The following DNM1L variants were observed in gnomAD, a reference collection of about 807,000 sequenced individuals.
DNM1L encodes dynamin-1-like protein.
Under a neutral mutation model 92.8 loss-of-function variants are expected in DNM1L, and 33 were observed. The ratio of observed to expected loss-of-function variants is 0.36; its 90% CI spans 0.27 to 0.48. The LOEUF is 0.48. Ranked by LOEUF, DNM1L falls within the 20% of genes least tolerant of loss-of-function variation. The pLI, the probability that DNM1L is intolerant of heterozygous loss-of-function variation, is 0.99. For synonymous variants in DNM1L, 284 were observed against 305.0 expected, an observed-to-expected ratio of 0.93 and a Z score of 0.72; for missense variants, 485 against 888.8, an observed-to-expected ratio of 0.55 and a Z score of 5.78.
chr12:32,701,490 C>T lies in DNM1L; in HGVS notation c.178C>T (p.Arg60Trp), dbSNP rs200245104. ...TCCCAGAGGTACTGGAATTGTCACC[C>T]GGAGACCTCTCATTCTGCAACTGGT... ...LLPRGTGIVT[R>W]RPLILQLVHV... is the part of the protein sequence containing the mutation. Residue 60 changes from arginine to tryptophan, a missense_variant, in exon 2 of 20, where the codon CGG becomes TGG. By Grantham distance (101) the Arg-to-Trp change is moderately radical. This residue lies in a region of DNM1L where 159 missense variants were observed against 275.9 expected (regional missense o/e 0.58). Coordinates refer to ENST00000549701, the MANE Select transcript of DNM1L (RefSeq NM_012062.5). 6.2e-7 allele frequency: 1 copy of T among 1,613,716 alleles called. No individual in the cohort carries two copies. Among genetic ancestry groups the T allele is most frequent in the Non-Finnish European group, 8.5e-7 (1 of 1,179,756 alleles).
chr12:32,714,660 A>G (rs1372168125), intron 6 of DNM1L, among the ~76,000 whole-genome samples: 3 of 152,204 alleles, frequency 2.0e-5, no homozygotes, highest in African/African-American at 7.2e-5. Context: ...AAGATAAACT[A>G]TATCAAAGAG....
At chr12:32,717,987 T>TATAA in intron 6 of DNM1L, among the ~76,000 whole-genome samples, 1 of 84,998 alleles carries the variant, frequency 1.2e-5, no homozygotes, top group South Asian at 2.9e-4. Flanking sequence ...GTATATATAG[T>TATAA]ATGTATAGTA....
intron 12 of DNM1L, 141 bp downstream of exon 12, chr12:32,732,084 T>G: frequency 1.5e-6 from 1 of 672,050 alleles, no homozygotes; most frequent in Non-Finnish European, 2.6e-6. Flanking sequence ...GAAAAACAAG[T>G]TGAGTTTCAG....
At chr12:32,686,371 A>G (rs773615935) in intron 1 of DNM1L, among the ~76,000 whole-genome samples, 17 of 152,142 alleles carry the variant, frequency 1.1e-4, no homozygotes, top group Non-Finnish European at 2.5e-4. Context: ...TATAAAATGT[A>G]TAATTCAGTG....
intron 6 of DNM1L, among the ~76,000 whole-genome samples, chr12:32,715,237 G>A (rs1030532781): frequency 4.6e-5 from 7 of 151,772 alleles, no homozygotes; most frequent in Non-Finnish European, 1.0e-4. Context: ...GGGATTGCAA[G>A]AGTGAGCCAC....
chr12:32,727,633 A>G (rs1954239812), intron 9 of DNM1L: 2 of 325,800 alleles, frequency 6.1e-6, no homozygotes, highest in Non-Finnish European at 1.1e-5. Context: ...TGCCTATACT[A>G]CATGTCTTTA....
Position 32,722,418 on chromosome 12 carries a change from C to CT in DNM1L, c.873-3dup. 1 of 1,610,424 alleles carries CT rather than the reference C, an allele frequency of 6.2e-7. No individual in the cohort carries two copies. Among genetic ancestry groups the CT allele is most frequent in the African/African-American group, 1.3e-5 (1 of 74,922 alleles). ...TACTTTTAAATCCTTCCTTTCTAAC[C>CT]TTTTTTAGGTTACTGATGCATCACA... On this transcript the variant is annotated splice_polypyrimidine_tract_variant and intron_variant, in intron 8 of 19. Coordinates refer to ENST00000549701, the MANE Select transcript of DNM1L (RefSeq NM_012062.5).
chr12:32,735,940 T>C (rs1422429727), intron 13 of DNM1L, among the ~76,000 whole-genome samples: 2 of 152,142 alleles, frequency 1.3e-5, no homozygotes, highest in Non-Finnish European at 2.9e-5. Context: ...AGTTGGACTG[T>C]GTTCATGAAA....
In DNM1L at chr12:32,701,453, G is replaced by C. The variant is rs376158084; in HGVS notation, c.141G>C (p.Gly47=). 1 of 1,613,792 alleles carries C rather than the reference G, an allele frequency of 6.2e-7. No individual in the cohort carries two copies. Among genetic ancestry groups the C allele is most frequent in the South Asian group, 1.1e-5 (1 of 91,080 alleles). Residue 47 remains glycine (G), a synonymous_variant, in exon 2 of 20, where the codon GGG becomes GGC. Coordinates refer to ENST00000549701, the MANE Select transcript of DNM1L (RefSeq NM_012062.5). Reference sequence around the variant, plus strand: ...GCTCAGTGCTAGAAAGCCTGGTGGGGAGGGACCTGCTTCCCAGAGGTACTG... The same window carrying C: ...GCTCAGTGCTAGAAAGCCTGGTGGGCAGGGACCTGCTTCCCAGAGGTACTG... ...GKSSVLESLV[G]RDLLPRGTGI...
chr12:32,682,378 C>T (rs573920874), intron 1 of DNM1L, among the ~76,000 whole-genome samples: 17 of 152,198 alleles, frequency 1.1e-4, no homozygotes, highest in Admixed American at 6.5e-4. Flanking sequence ...GTGATCCACC[C>T]GTCTCGGCCT....
intron 9 of DNM1L, chr12:32,726,307 A>G: frequency 7.9e-7 from 1 of 1,261,914 alleles, no homozygotes; most frequent in South Asian, 1.2e-5. Flanking sequence ...ATACAAAAAC[A>G]TAAGGCAGTA....
chr12:32,728,044 A>G (rs1186422679), intron 9 of DNM1L: 2 of 152,360 alleles, frequency 1.3e-5, no homozygotes, highest in Non-Finnish European at 2.9e-5. Context: ...AAATAATTAT[A>G]GACTCACAGG....
intron 18 of DNM1L, 66 bp from the exon 19 acceptor site, chr12:32,742,523 A>G: frequency 1.9e-6 from 3 of 1,598,362 alleles, no homozygotes; most frequent in Non-Finnish European, 2.6e-6. Context: ...TGAGGTTAGC[A>G]TCTAAGCCCA....
rs181857430 is a variant in DNM1L at position 32,700,726 on chromosome 12, A to G, written c.103-689A>G. Among the ~76,000 whole-genome samples, 10 of 152,246 alleles carry G rather than the reference A, an allele frequency of 6.6e-5. No homozygotes were observed. The East Asian group carries it at 9.7e-4, about 15-fold the overall frequency. ...ACACCACTGCACTCTAGCCTGGGTA[A>G]TAGAGTGACACACTGTAATAATAAT... On this transcript the variant is annotated intron_variant, in intron 1 of 19. Coordinates refer to ENST00000549701, the MANE Select transcript of DNM1L (RefSeq NM_012062.5).
intron 7 of DNM1L, among the ~76,000 whole-genome samples, chr12:32,719,147 T>G (rs1019396999): frequency 6.6e-6 from 1 of 152,110 alleles, no homozygotes; most frequent in Non-Finnish European, 1.5e-5. Context: ...GACAAGGTCT[T>G]GCCATGTTGC....
rs542345345 is a variant in DNM1L at position 32,722,228 on chromosome 12, T to G, written c.873-199T>G. ...GCATGCAGAGACACTCTAAACACCC[T>G]TAATGCTCTTGGAGAGTCCAAGGAT... On this transcript the variant is annotated intron_variant, in intron 8 of 19. Coordinates refer to ENST00000549701, the MANE Select transcript of DNM1L (RefSeq NM_012062.5). 2.6e-5 allele frequency among the ~76,000 whole-genome samples: 4 copies of G among 152,302 alleles called. No individual in the cohort carries two copies. In the South Asian group the frequency reaches 8.3e-4, roughly 32 times the overall value.
chr12:32,702,048 A>G (rs1952724276), intron 2 of DNM1L, among the ~76,000 whole-genome samples: 2 of 151,066 alleles, frequency 1.3e-5, no homozygotes, highest in Non-Finnish European at 1.5e-5. Context: ...AGCCTGGCCA[A>G]TATGGTGAAA....
chr12:32,742,689 C>T lies in DNM1L; in HGVS notation c.2095C>T (p.Leu699Phe). ...QLYKSSLLDDLLTESEDMAQR... is the reference protein window; with the variant it reads ...QLYKSSLLDDFLTESEDMAQR... ...GTATAAATCATCCTTATTGGATGATCTTCTGACAGAATCTGAGGACATGGC... is the reference window on the plus strand; with the variant it reads ...GTATAAATCATCCTTATTGGATGATTTTCTGACAGAATCTGAGGACATGGC... The change falls in exon 19 of 20, where the codon CTT becomes TTT. Residue 699 changes from leucine (L) to phenylalanine (F), a missense_variant. Coordinates refer to ENST00000549701, the MANE Select transcript of DNM1L (RefSeq NM_012062.5). 1 of 1,614,016 alleles carries T rather than the reference C, an allele frequency of 6.2e-7. No individual in the cohort carries two copies. Among genetic ancestry groups the T allele is most frequent in the Non-Finnish European group, 8.5e-7 (1 of 1,180,002 alleles).
chr12:32,707,463 G>C, intron 3 of DNM1L, 50 bp downstream of exon 3: 1 of 1,301,634 alleles, frequency 7.7e-7, no homozygotes, highest in Non-Finnish European at 1.1e-6. Flanking sequence ...AAAATATATT[G>C]TATGAATACT....
Sources: allele counts gnomAD v4.1 joint callset (sites outside exome capture counted in the v4.1 genomes callset), GRCh38; gene constraint gnomAD v4.1.1; regional missense constraint gnomAD v4.1.1; transcripts MANE v1.5; gene names NCBI Gene and HGNC (gene_info 2026-07-23, HGNC 2026-07-21).